SPAG9: variants seen among roughly 807,000 people sequenced by gnomAD.
SPAG9 encodes the protein sperm associated antigen 9.
A neutral mutation model predicts 166.5 loss-of-function variants in SPAG9; 35 were observed. The observed-to-expected ratio is 0.21, with a 90% CI of 0.16 to 0.28. The LOEUF is 0.28. Ranked by LOEUF, SPAG9 falls within the 10% of genes least tolerant of loss-of-function variation. The pLI is 1.00. For synonymous variants in SPAG9, 534 were observed against 565.5 expected (o/e 0.94, Z 0.79); for missense variants, 1,235 against 1,603.3 (o/e 0.77, Z 3.92).
intron 1 of SPAG9, among the ~76,000 whole-genome samples, chr17:51,089,143 G>A (rs1333874445): frequency 6.6e-6 from 1 of 151,352 alleles, no homozygotes; most frequent in Non-Finnish European, 1.5e-5. Flanking sequence ...CAGAAGTTGG[G>A]CCAGGCACGG....
At chr17:51,069,928 G>T (rs962324813) in intron 2 of SPAG9, among the ~76,000 whole-genome samples, 11 of 152,084 alleles carry the variant, frequency 7.2e-5, no homozygotes, top group Non-Finnish European at 1.2e-4. Flanking sequence ...TTAAAGGAAG[G>T]AAGGGCGGAA....
At position 50,974,872 on chromosome 17, in the gene SPAG9, T is replaced by G; in HGVS notation, c.3599A>C (p.Lys1200Thr). The G allele has an allele frequency of 6.2e-7, 1 of 1,613,146 alleles. No homozygotes were observed. The highest frequency in any genetic ancestry group is 1.1e-5 in the South Asian group (1 of 90,834). Reference protein sequence around the residue: ...IRVYGDENSDKVTPGTFIPYC... With the variant: ...IRVYGDENSDTVTPGTFIPYC... ...GGGTATAAATGTCCCTGGAGTCACT[T>G]TATCACTGTTTTCATCACCATATAC... The change falls in exon 28 of 30, where the codon AAA becomes ACA. Residue 1200 changes from lysine to threonine, a missense_variant. Lys to Thr is a moderately conservative substitution (Grantham distance 78). This residue lies in a region of SPAG9 where 243 missense variants were observed against 358.6 expected (regional missense o/e 0.68). Transcript: ENST00000262013.
intron 1 of SPAG9, among the ~76,000 whole-genome samples, chr17:51,103,326 A>G (rs9890652): frequency 0.025 from 3,835 of 152,266 alleles, 160 homozygotes; most frequent in African/African-American, 0.087. Context: ...TGAAAGTGCT[A>G]CAAGAGGGCA....
In SPAG9 at chr17:50,985,763, T is replaced by A; in HGVS notation, c.2955A>T (p.Ser985=). 1 of 1,603,376 alleles carries A rather than the reference T, an allele frequency of 6.2e-7. No individual in the cohort carries two copies. Among genetic ancestry groups the A allele is most frequent in the South Asian group, 1.1e-5 (1 of 90,634 alleles). ...GACATTTCCTCCACTGGGCTACAGATGAATGGACATACAAACTGTAAGAAC... is the reference window on the plus strand; with the variant it reads ...GACATTTCCTCCACTGGGCTACAGAAGAATGGACATACAAACTGTAAGAAC... ...GAQNGCLYVH[S]SVAQWRKCLH... is the part of the protein sequence containing the mutation. The change falls in exon 23 of 30, where the codon TCA becomes TCT. Residue 985 remains serine, a synonymous_variant. Coordinates refer to ENST00000262013, the MANE Select transcript of SPAG9 (RefSeq NM_001130528.3).
At chr17:51,079,253 T>TG (rs1451048815) in intron 2 of SPAG9, among the ~76,000 whole-genome samples, 2 of 128,020 alleles carry the variant, frequency 1.6e-5, no homozygotes, top group Admixed American at 1.7e-4. Context: ...TTCTGGGGGG[T>TG]GGGGGGACAC....
chr17:50,984,889 T>TTA (rs777746405), intron 24 of SPAG9, 34 bp downstream of exon 24: 2 of 1,560,260 alleles, frequency 1.3e-6, no homozygotes, highest in South Asian at 2.2e-5. Flanking sequence ...AAGCAACAAA[T>TTA]TAGTGTCCAT....
At chr17:51,042,409 CA>C (rs1205384033) in intron 4 of SPAG9, 2 of 152,128 alleles carry the variant, frequency 1.3e-5, no homozygotes, top group Non-Finnish European at 2.9e-5. Context: ...TTTGTTGATG[CA>C]CACAAGATTC....
chr17:50,974,941 T>C lies in SPAG9; in HGVS notation c.3530A>G (p.Lys1177Arg). The C allele has an allele frequency of 6.2e-7, 1 of 1,609,312 alleles. No individual in the cohort carries two copies. Among genetic ancestry groups the C allele is most frequent in the South Asian group, 1.1e-5 (1 of 89,738 alleles). The change falls in exon 28 of 30, where the codon AAA becomes AGA. Residue 1177 changes from lysine (K) to arginine (R), a missense_variant. Lys to Arg is a conservative substitution (Grantham distance 26). Around this residue, in one of 6 missense-constraint regions of SPAG9, gnomAD observed 243 missense variants for 358.6 expected, o/e 0.68. Coordinates refer to ENST00000262013, the MANE Select transcript of SPAG9 (RefSeq NM_001130528.3). ...ACGATTTCCTGGTACACCTGAGGTT[T>C]TATTTGCTGCAACAGAAAAACCAAA... ...IISIPLTETN[K>R]TSGVPGNRPG...
chr17:51,053,878 T>TATAC (rs2047273397), intron 3 of SPAG9, among the ~76,000 whole-genome samples: 1 of 102,666 alleles, frequency 9.7e-6, no homozygotes, highest in African/African-American at 5.2e-5. Flanking sequence ...TATATATATA[T>TATAC]ATATATATAT....
At chr17:51,027,499 A>G (rs1286104492) in intron 6 of SPAG9, among the ~76,000 whole-genome samples, 1 of 152,046 alleles carries the variant, frequency 6.6e-6, no homozygotes, top group African/African-American at 2.4e-5. Flanking sequence ...TCAACAGTAC[A>G]CTCATAAGAT....
intron 2 of SPAG9, among the ~76,000 whole-genome samples, chr17:51,069,733 T>C: frequency 6.6e-6 from 1 of 152,158 alleles, no homozygotes; most frequent in Admixed American, 6.5e-5. Context: ...CTTCTAATAA[T>C]AATGTTTCAA....
chr17:51,022,006 C>T (rs539893657), intron 6 of SPAG9, among the ~76,000 whole-genome samples: 9 of 151,740 alleles, frequency 5.9e-5, no homozygotes, highest in Non-Finnish European at 1.3e-4. Context: ...ACCTATGATC[C>T]CAGCTACTTG....
intron 1 of SPAG9, among the ~76,000 whole-genome samples, chr17:51,115,602 G>A (rs1312753046): frequency 2.6e-5 from 4 of 151,886 alleles, no homozygotes; most frequent in Admixed American, 6.6e-5. Flanking sequence ...AGGCCAAGGC[G>A]GGCGGATCAC....
chr17:51,068,088 C>A (rs2047724232), intron 2 of SPAG9, among the ~76,000 whole-genome samples: 1 of 152,212 alleles, frequency 6.6e-6, no homozygotes, highest in African/African-American at 2.4e-5. Context: ...CAAAAGGAAT[C>A]ATCAGTTTTT....
intron 1 of SPAG9, among the ~76,000 whole-genome samples, chr17:51,104,234 C>A (rs2048879263): frequency 6.6e-6 from 1 of 152,154 alleles, no homozygotes; most frequent in Non-Finnish European, 1.5e-5. Flanking sequence ...AGAGAGAGAT[C>A]TGGCCTTAAA....
intron 15 of SPAG9, 180 bp downstream of exon 15, chr17:50,998,264 T>TCAGGC: frequency 1.1e-5 from 5 of 468,996 alleles, no homozygotes; most frequent in South Asian, 2.8e-5. Flanking sequence ...ACTCCTGACC[T>TCAGGC]TGTGATCCGC....
At chr17:51,045,501 TGAAC>T (rs1287392107) in intron 4 of SPAG9, among the ~76,000 whole-genome samples, 1 of 152,118 alleles carries the variant, frequency 6.6e-6, no homozygotes, top group African/African-American at 2.4e-5. Context: ...ATATTAAACT[TGAAC>T]TGACCTATGA....
chr17:51,020,485 G>A (rs1439063255), intron 7 of SPAG9, among the ~76,000 whole-genome samples: 1 of 152,102 alleles, frequency 6.6e-6, no homozygotes, highest in Non-Finnish European at 1.5e-5. Context: ...GTGTTTCGTG[G>A]AACACACAGT....
chr17:51,091,488 T>G (rs2048463819), intron 1 of SPAG9, among the ~76,000 whole-genome samples: 1 of 151,616 alleles, frequency 6.6e-6, no homozygotes, highest in Non-Finnish European at 1.5e-5. Context: ...TGTTTTTCTG[T>G]TTTTTTGTTG....
Sources: allele counts gnomAD v4.1 joint callset (sites outside exome capture counted in the v4.1 genomes callset), GRCh38; gene constraint gnomAD v4.1.1; regional missense constraint gnomAD v4.1.1; transcripts MANE v1.5; gene names NCBI Gene and HGNC (gene_info 2026-07-23, HGNC 2026-07-21).